RBM33: variants seen among roughly 807,000 people sequenced by gnomAD.
RBM33 encodes the protein RNA-binding protein 33.
RBM33 carries 28 observed loss-of-function variants against 132.6 expected under a neutral mutation model. That is an observed-to-expected ratio of 0.21 (90% CI 0.16 to 0.29). The LOEUF is 0.29. RBM33 is among the 10% of genes least tolerant of loss of function. RBM33 has a pLI of 1.00. For missense variants in RBM33, 1,291 were observed against 1,518.5 expected (o/e 0.85, Z 2.49); for synonymous variants, 634 against 593.0 (o/e 1.07, Z -1.01).
chr7:155,648,321 C>T (rs1172209826), intron 1 of RBM33, among the ~76,000 whole-genome samples: 1 of 152,146 alleles, frequency 6.6e-6, no homozygotes, highest in East Asian at 1.9e-4. Context: ...CTTTAATTTA[C>T]ATTTGATAGT....
In RBM33 at chr7:155,766,476, C is replaced by G. The variant is rs1460158247; in HGVS notation, c.3196C>G (p.His1066Asp). 6.2e-7 allele frequency: 1 copy of G among 1,613,356 alleles called. No individual in the cohort carries two copies. Among genetic ancestry groups the G allele is most frequent in the South Asian group, 1.1e-5 (1 of 90,990 alleles). The change falls in exon 16 of 18, where the codon CAC (histidine) becomes GAC (aspartate). Residue 1066 changes from histidine to aspartate, a missense_variant. Around this residue, in one of 7 missense-constraint regions of RBM33, gnomAD observed 841 missense variants for 912.0 expected, o/e 0.92. Coordinates refer to ENST00000401878, the MANE Select transcript of RBM33 (RefSeq NM_053043.3). ...GIHPAKKAIM[H>D]GRGRGVAGPM... ...CCTTTGTTGTCACCAGGCCATCATG[C>G]ACGGACGAGGCAGAGGAGTGGCCGG...
Position 155,745,050 on chromosome 7 carries a change from G to C in RBM33, c.2427G>C (p.Glu809Asp). The C allele has an allele frequency of 6.2e-7, 1 of 1,610,522 alleles. No individual in the cohort carries two copies. Among genetic ancestry groups the C allele is most frequent in the Non-Finnish European group, 8.5e-7 (1 of 1,178,270 alleles). ...RLREEILKQKELRRQQQAGAR... is the reference protein window; with the variant it reads ...RLREEILKQKDLRRQQQAGAR... ...GAGAAGAAATCCTGAAACAGAAGGA[G>C]TTACGGCGGCAGCAGCAGGCTGGTG... The change falls in exon 14 of 18, where the codon GAG becomes GAC. Residue 809 changes from glutamate (E) to aspartate (D), a missense_variant. Around this residue, in one of 7 missense-constraint regions of RBM33, gnomAD observed 841 missense variants for 912.0 expected, o/e 0.92. Transcript: ENST00000401878. The surrounding 1 kb of genome is among the most constrained non-coding windows in gnomAD (Gnocchi z 4.1).
chr7:155,670,140 A>G (rs1263047621), intron 2 of RBM33, among the ~76,000 whole-genome samples: 1 of 152,234 alleles, frequency 6.6e-6, no homozygotes, highest in African/African-American at 2.4e-5. Context: ...TTCTAAGTAA[A>G]AATATACTTG....
At chr7:155,769,301 G>A (rs1022120193) in intron 16 of RBM33, among the ~76,000 whole-genome samples, 1 of 152,136 alleles carries the variant, frequency 6.6e-6, no homozygotes, top group Non-Finnish European at 1.5e-5. Context: ...GCAAGAAACC[G>A]TCATCTGTGT....
chr7:155,727,368 T>C (rs1800823737), intron 9 of RBM33, among the ~76,000 whole-genome samples: 2 of 152,192 alleles, frequency 1.3e-5, no homozygotes, highest in Non-Finnish European at 2.9e-5. Context: ...TGGGCGGTGT[T>C]GTCCTGAATA....
At chr7:155,678,224 C>A (rs1457946653) in intron 3 of RBM33, among the ~76,000 whole-genome samples, 1 of 152,102 alleles carries the variant, frequency 6.6e-6, no homozygotes, top group African/African-American at 2.4e-5. Context: ...TTTAAAAAAT[C>A]TTTAGGTTTT....
At position 155,656,540 on chromosome 7, in the gene RBM33, T is replaced by C. The variant is rs1798495871; in HGVS notation, c.44-8635T>C. Among the ~76,000 whole-genome samples, 4 of 152,338 alleles carry C rather than the reference T, an allele frequency of 2.6e-5. No homozygotes were observed. In the South Asian group the frequency reaches 8.3e-4, roughly 32 times the overall value. ...ACGTATTTATTTGGAGTCAGATTTC[T>C]TTCATGTGTTTCAGTCAAAAAACAT... On this transcript the variant is annotated intron_variant, in intron 1 of 17. Coordinates refer to ENST00000401878, the MANE Select transcript of RBM33 (RefSeq NM_053043.3).
In RBM33 at chr7:155,678,636, T is replaced by C; in HGVS notation, c.200T>C (p.Leu67Pro). The change falls in exon 4 of 18, where the codon CTA becomes CCA. Residue 67 changes from leucine to proline, a missense_variant. Coordinates refer to ENST00000401878, the MANE Select transcript of RBM33 (RefSeq NM_053043.3). ...KNQSDLSDEELNDDLLQSDNE... is the reference protein window; with the variant it reads ...KNQSDLSDEEPNDDLLQSDNE... ...CAGTCGGATTTGTCAGATGAAGAGCTAAATGATGATCTTTTGCAGAGTGAT... is the reference window on the plus strand; with the variant it reads ...CAGTCGGATTTGTCAGATGAAGAGCCAAATGATGATCTTTTGCAGAGTGAT... 6.3e-7 allele frequency: 1 copy of C among 1,580,264 alleles called. No individual in the cohort carries two copies. The highest frequency in any genetic ancestry group is 8.6e-7 in the Non-Finnish European group (1 of 1,158,862).
At chr7:155,679,567 C>G (rs529343825) in intron 4 of RBM33, among the ~76,000 whole-genome samples, 49 of 152,272 alleles carry the variant, frequency 3.2e-4, no homozygotes, top group African/African-American at 1.2e-3. Flanking sequence ...TGTAGACAAG[C>G]TCTTGTTATA....
Position 155,741,804 on chromosome 7 carries a change from T to C in RBM33, c.2050-15T>C. On this transcript the variant is annotated splice_polypyrimidine_tract_variant and intron_variant, in intron 12 of 17. Transcript: ENST00000401878. Reference sequence around the variant, plus strand: ...TTTCCACTTACAATTAGAATCTCTTTCTTTTTGTGAAAAGAATACAACTTC... The same window carrying C: ...TTTCCACTTACAATTAGAATCTCTTCCTTTTTGTGAAAAGAATACAACTTC... The C allele has an allele frequency of 1.3e-6, 2 of 1,593,432 alleles. No individual in the cohort carries two copies. The highest frequency in any genetic ancestry group is 1.7e-6 in the Non-Finnish European group (2 of 1,164,934).
chr7:155,759,386 G>A (rs1165799381), intron 14 of RBM33, among the ~76,000 whole-genome samples: 3 of 150,976 alleles, frequency 2.0e-5, no homozygotes, highest in South Asian at 2.1e-4. Flanking sequence ...TTTCTTATTC[G>A]GGGTATTTAT....
chr7:155,761,532 C>T (rs1334200657), intron 14 of RBM33, among the ~76,000 whole-genome samples: 3 of 152,120 alleles, frequency 2.0e-5, no homozygotes, highest in Non-Finnish European at 4.4e-5. Context: ...GTACTTGTGT[C>T]TCGTTGAATT....
intron 9 of RBM33, among the ~76,000 whole-genome samples, chr7:155,727,532 A>G (rs952114386): frequency 3.3e-5 from 5 of 152,202 alleles, no homozygotes; most frequent in Non-Finnish European, 7.3e-5. Context: ...CAAAACAGGA[A>G]AAGTGACACT....
At chr7:155,673,402 T>TTGTGGGGG (rs1491358812) in intron 3 of RBM33, among the ~76,000 whole-genome samples, 15 of 45,162 alleles carry the variant, frequency 3.3e-4, no homozygotes, top group African/African-American at 2.2e-3. Flanking sequence ...TTTATATATA[T>TTGTGGGGG]TGTGTGTGTG....
At chr7:155,743,041 C>G (rs1293076479) in intron 13 of RBM33, among the ~76,000 whole-genome samples, 1 of 152,172 alleles carries the variant, frequency 6.6e-6, no homozygotes, top group Admixed American at 6.5e-5. Flanking sequence ...CTGGTTTTAC[C>G]TTTTAATCAG....
intron 1 of RBM33, among the ~76,000 whole-genome samples, chr7:155,647,453 C>T (rs574037353): frequency 1.3e-5 from 2 of 151,848 alleles, no homozygotes; most frequent in South Asian, 4.2e-4. Context: ...TTTTTTGAGA[C>T]AGGGTCTTGC....
At chr7:155,743,871 T>C (rs1328123229) in intron 13 of RBM33, among the ~76,000 whole-genome samples, 1 of 152,180 alleles carries the variant, frequency 6.6e-6, no homozygotes, top group Non-Finnish European at 1.5e-5. Flanking sequence ...CCGATGCCCA[T>C]GTCCCTTGTG....
intron 2 of RBM33, among the ~76,000 whole-genome samples, chr7:155,666,201 C>T (rs1798796907): frequency 6.6e-6 from 1 of 152,078 alleles, no homozygotes; most frequent in Admixed American, 6.5e-5. Context: ...GGTGTAGTTC[C>T]AGTCTGAGCC....
chr7:155,644,892 G>C lies in RBM33; in HGVS notation c.16G>C (p.Gly6Arg). 1.3e-6 allele frequency: 2 copies of C among 1,498,832 alleles called. No individual in the cohort carries two copies. Among genetic ancestry groups the C allele is most frequent in the South Asian group, 2.5e-5 (2 of 80,502 alleles). The allele number at this position is 1,498,832 out of a possible 1,614,324, so 92.8% of individuals were successfully genotyped here. ...CGCGAGTGCCATGGCGGCCGCCCTG[G>C]GAGCGAGCGGAGGAGCAGGCGCCGG... MAAAL[G>R]ASGGAGAGDD... Residue 6 changes from glycine to arginine, a missense_variant, in exon 1 of 18, where the codon GGA (glycine) becomes CGA (arginine). Transcript: ENST00000401878.
Sources: gnomAD v4.1 joint callset for allele counts (sites outside exome capture counted in the v4.1 genomes callset) on GRCh38, gnomAD v4.1.1 for gene constraint, gnomAD v4.1.1 regional missense constraint, Gnocchi (gnomAD v3.1) non-coding constraint, MANE v1.5 for transcripts, NCBI Gene and HGNC (gene_info 2026-07-23, HGNC 2026-07-21) for gene names.